IFI44: variants seen among roughly 807,000 people sequenced by gnomAD.
IFI44 encodes the protein interferon induced protein 44, also known as interferon-induced protein 44.
IFI44 carries 42 observed loss-of-function variants against 45.0 expected under a neutral mutation model. The observed-to-expected ratio is 0.93, with a 90% confidence interval of 0.73 to 1.21. The LOEUF is 1.21. IFI44 is among the 50% of genes most tolerant of loss of function. The pLI is 0.00. For missense variants in IFI44, 623 were observed against 525.8 expected (o/e 1.18, Z -1.81); for synonymous variants, 221 against 188.6 (o/e 1.17, Z -1.41).
chr1:78,661,299 G>A (rs1048509482), intron 7 of IFI44, among the ~76,000 whole-genome samples: 2 of 152,022 alleles, frequency 1.3e-5, no homozygotes, highest in African/African-American at 2.4e-5. Flanking sequence ...CCTGACCTCA[G>A]GTGATCTGCT....
chr1:78,650,940 A>T (rs762391254), intron 2 of IFI44, among the ~76,000 whole-genome samples: 8 of 152,238 alleles, frequency 5.3e-5, no homozygotes, highest in Non-Finnish European at 1.2e-4. Context: ...CTTAAGTGAA[A>T]AAACTTACAA....
At chr1:78,660,150 C>G (rs1239877631) in intron 6 of IFI44, among the ~76,000 whole-genome samples, 2 of 152,186 alleles carry the variant, frequency 1.3e-5, no homozygotes, top group Non-Finnish European at 2.9e-5. Flanking sequence ...ACTTGTGATG[C>G]TTTGACACAT....
At chr1:78,654,956 T>C (rs1647182793) in intron 3 of IFI44, 58 bp from the exon 4 acceptor site, 1 of 1,249,098 alleles carries the variant, frequency 8.0e-7, no homozygotes, top group Non-Finnish European at 1.1e-6. Context: ...AGAAAATTTA[T>C]AATAAGGTTT....
At chr1:78,663,574 G>A (rs1448783188) in intron 8 of IFI44, 191 bp from the exon 9 acceptor site, 1 of 985,196 alleles carries the variant, frequency 1.0e-6, no homozygotes, top group Non-Finnish European at 1.2e-6. Flanking sequence ...AAATTGCTGG[G>A]AAACTCTCAT....
chr1:78,650,442 C>A lies in IFI44; in HGVS notation c.247C>A (p.Gln83Lys). Residue 83 changes from glutamine (Q) to lysine (K), a missense_variant, in exon 2 of 9, where the codon CAA becomes AAA. Gln to Lys is a moderately conservative substitution (Grantham distance 53, BLOSUM62 1). Coordinates refer to ENST00000370747, the MANE Select transcript of IFI44 (RefSeq NM_006417.5). ...TGCTTCCATCATCCTTTTTGCACTT[C>A]AAGATACTAAAATTTCAGAATGGAA... ...KYASIILFAL[Q>K]DTKISEWKLG... is the part of the protein sequence containing the mutation. The A allele has an allele frequency of 6.2e-7, 1 of 1,613,936 alleles. No homozygotes were observed. The highest frequency in any genetic ancestry group is 8.5e-7 in the Non-Finnish European group (1 of 1,179,848).
chr1:78,660,376 T>G (rs1023151690), intron 6 of IFI44, among the ~76,000 whole-genome samples, 178 bp from the exon 7 acceptor site: 4 of 152,128 alleles, frequency 2.6e-5, no homozygotes. Flanking sequence ...TCAGAGAAAT[T>G]CCAGATACTA....
At chr1:78,662,340 G>T (rs1647508974) in intron 7 of IFI44, among the ~76,000 whole-genome samples, 1 of 152,208 alleles carries the variant, frequency 6.6e-6, no homozygotes, top group Non-Finnish European at 1.5e-5. Flanking sequence ...TAGGCAGTTT[G>T]ATTCTAGAGG....
chr1:78,654,548 T>C (rs1462226796), intron 3 of IFI44, among the ~76,000 whole-genome samples: 5 of 152,090 alleles, frequency 3.3e-5, no homozygotes, highest in Non-Finnish European at 1.5e-5. Flanking sequence ...ATTCTTGCAG[T>C]TAATATTTCA....
chr1:78,663,013 C>A, intron 8 of IFI44, 135 bp downstream of exon 8: 1 of 1,537,342 alleles, frequency 6.5e-7, no homozygotes, highest in South Asian at 1.3e-5. Flanking sequence ...CTTTTTAACC[C>A]ACTCCCTGGA....
In IFI44 at chr1:78,650,537, C is replaced by A. The variant is rs772597090; in HGVS notation, c.342C>A (p.Phe114Leu). Residue 114 changes from phenylalanine to leucine, a missense_variant, in exon 2 of 9, where the codon TTC (phenylalanine) becomes TTA (leucine). Transcript: ENST00000370747. ...DVTKYNSPTN[F>L]QIDGRNRKVI... The stretch of plus-strand genomic sequence containing the variant: ...CAAAATATAACTCCCCAACTAATTT[C>A]CAGATAGATGGAAGAAATAGAAAAG... The A allele has an allele frequency of 2.5e-6, 4 of 1,613,302 alleles. No individual in the cohort carries two copies. The highest frequency in any genetic ancestry group is 2.2e-5 in the South Asian group (2 of 91,058).
chr1:78,653,332 T>C (rs888107965), intron 2 of IFI44, among the ~76,000 whole-genome samples: 2 of 151,838 alleles, frequency 1.3e-5, no homozygotes, highest in Non-Finnish European at 2.9e-5. Flanking sequence ...GTATTAAAGT[T>C]ATTTAAGACA....
Position 78,655,540 on chromosome 1 carries a change from C to A in IFI44, c.840+29C>A, listed in dbSNP as rs186422124. 6,718 of 1,564,214 alleles carry A rather than the reference C, an allele frequency of 4.3e-3. 16 individuals are homozygous for A. The highest frequency in any genetic ancestry group is 5.4e-3 in the Non-Finnish European group (6,199 of 1,148,010). ...ATATTTGACTAATGAGAAATTATAA[C>A]TGATTTTTAAAATGCTTATTTTTGT... On this transcript the variant is annotated intron_variant, in intron 5 of 8. Transcript: ENST00000370747.
rs1647099067 is a variant in IFI44 at position 78,650,228 on chromosome 1, C to T, written c.33C>T (p.His11=). The change falls in exon 2 of 9, where the codon CAC becomes CAT. Residue 11 remains histidine, a synonymous_variant. Transcript: ENST00000370747. The part of the protein sequence containing the change: MAVTTRLTWL[H]EKILQNHFGG... ...TGACAACTCGTTTGACATGGTTGCA[C>T]GAAAAGATCCTGCAAAATCATTTTG... 8.1e-6 allele frequency: 13 copies of T among 1,606,340 alleles called. No individual in the cohort carries two copies. The highest frequency in any genetic ancestry group is 2.7e-5 in the African/African-American group (2 of 74,872).
chr1:78,655,751 CCA>C (rs1028457682), intron 5 of IFI44, among the ~76,000 whole-genome samples: 1 of 152,048 alleles, frequency 6.6e-6, no homozygotes, highest in African/African-American at 2.4e-5. Context: ...ATCAACTTAC[CCA>C]CACAGATAAT....
At chr1:78,660,113 G>C (rs1463085898) in intron 6 of IFI44, among the ~76,000 whole-genome samples, 1 of 152,186 alleles carries the variant, frequency 6.6e-6, no homozygotes. Context: ...AGAGATGATT[G>C]CTAGTGTTGT....
intron 8 of IFI44, chr1:78,663,560 A>G (rs1647593671): frequency 1.0e-6 from 1 of 985,192 alleles, no homozygotes; most frequent in African/African-American, 1.7e-5. Context: ...ATTCTCTCTT[A>G]CTCAAATTGC....
chr1:78,650,106 G>A (rs1647096605), intron 1 of IFI44, 80 bp from the exon 2 acceptor site: 1 of 942,062 alleles, frequency 1.1e-6, no homozygotes. Flanking sequence ...GAGTATATAA[G>A]AGGCATAAAT....
At position 78,650,595 on chromosome 1, in the gene IFI44, G is replaced by A; in HGVS notation, c.400G>A (p.Gly134Arg). 6.2e-7 allele frequency: 1 copy of A among 1,610,304 alleles called. No individual in the cohort carries two copies. The highest frequency in any genetic ancestry group is 1.3e-5 in the African/African-American group (1 of 74,750). Residue 134 changes from glycine (G) to arginine (R), a missense_variant, in exon 2 of 9, where the codon GGA becomes AGA. Transcript: ENST00000370747. ...IMDLKTMENL[G>R]LAQNCTISIQ... ...GGACTTAAAGACAATGGAAAATCTT[G>A]GACTTGCTCAAAATTGTACTATCTC...
chr1:78,662,786 ACC>A lies in IFI44; in HGVS notation c.1198_1199del (p.Pro400CysfsTer19). 6.2e-7 allele frequency: 1 copy of A among 1,613,580 alleles called. No homozygotes were observed. The highest frequency in any genetic ancestry group is 8.5e-7 in the Non-Finnish European group (1 of 1,179,828). ...AATTATTCCTCTGAGTGGGAGCTGG[ACC>A]CTGTAAAGGATGTTCTAATTCTTTC... On this transcript the variant is annotated frameshift_variant, in exon 8 of 9. Coordinates refer to ENST00000370747, the MANE Select transcript of IFI44 (RefSeq NM_006417.5). LOFTEE classifies it high-confidence loss of function.
Sources: gnomAD v4.1 joint callset for allele counts (sites outside exome capture counted in the v4.1 genomes callset) on GRCh38, gnomAD v4.1.1 for gene constraint, MANE v1.5 for transcripts, NCBI Gene and HGNC (gene_info 2026-07-23, HGNC 2026-07-21) for gene names.